Variants in NF1 observed in about 807,000 individuals in gnomAD.
NF1 encodes the protein neurofibromin 1, also known as neurofibromin.
Under a neutral mutation model 325.7 loss-of-function variants are expected in NF1, and 122 were observed. The observed-to-expected ratio is 0.37, with a 90% CI of 0.32 to 0.44. The LOEUF is 0.44. NF1 is among the 20% of genes least tolerant of loss of function. The pLI is 1.00. For synonymous variants in NF1, 1,091 were observed against 1,186.0 expected (o/e 0.92, Z 1.65); for missense variants, 2,140 against 3,415.4 (o/e 0.63, Z 9.31).
intron 51 of NF1, chr17:31,355,985 T>C (rs1390214683): frequency 6.4e-6 from 1 of 156,218 alleles, no homozygotes; most frequent in African/African-American, 2.4e-5. Flanking sequence ...GCATATCTTT[T>C]TTTCAAAGCT....
chr17:31,100,795 C>A (rs1280651381), intron 1 of NF1, among the ~76,000 whole-genome samples: 2 of 152,072 alleles, frequency 1.3e-5, no homozygotes, highest in African/African-American at 2.4e-5. Flanking sequence ...GTCTGAATTT[C>A]TTGATGTCGT....
chr17:31,356,302 A>G (rs1184235689), intron 51 of NF1, 158 bp from the exon 52 acceptor site: 3 of 672,012 alleles, frequency 4.5e-6, no homozygotes, highest in Admixed American at 2.9e-5. Context: ...GAAGATGGAA[A>G]ATAAAGGAAA....
At chr17:31,117,114 T>C (rs1453443039) in intron 1 of NF1, among the ~76,000 whole-genome samples, 2 of 152,002 alleles carry the variant, frequency 1.3e-5, no homozygotes, top group Admixed American at 6.6e-5. Flanking sequence ...TTGGAGTAGC[T>C]GGTACTACAG....
chr17:31,285,498 AT>A (rs1287441509), intron 36 of NF1, among the ~76,000 whole-genome samples: 1 of 152,142 alleles, frequency 6.6e-6, no homozygotes, highest in Non-Finnish European at 1.5e-5. Flanking sequence ...CATACTTGAA[AT>A]TTTTTGATAA....
At position 31,184,661 on chromosome 17, in the gene NF1, A is replaced by T. The variant is rs1469405975; in HGVS notation, c.888+1996A>T. On this transcript the variant is annotated intron_variant, in intron 8 of 57. Transcript: ENST00000358273. ...AGACTCCGTCTCAAAAAAAAAAAATAAAAAAAAAAAATAAAAAAATAAAAT... is the reference window on the plus strand; with the variant it reads ...AGACTCCGTCTCAAAAAAAAAAAATTAAAAAAAAAAATAAAAAAATAAAAT... Among the ~76,000 whole-genome samples, 200 of 140,684 alleles carry T rather than the reference A, an allele frequency of 1.4e-3. 3 individuals are homozygous for T. The highest frequency in any genetic ancestry group is 0.011 in the Middle Eastern group (3 of 274). The allele number at this position is 140,684 out of a possible 152,430, so 92.3% of individuals were successfully genotyped here.
chr17:31,159,915 C>T (rs1175132132), intron 3 of NF1, among the ~76,000 whole-genome samples: 3 of 151,982 alleles, frequency 2.0e-5, no homozygotes, highest in Admixed American at 2.0e-4. Flanking sequence ...ACATATGTTG[C>T]AGTTCTCTAT....
chr17:31,280,516 C>CAAAA (rs57193583), intron 36 of NF1, among the ~76,000 whole-genome samples: 3 of 79,514 alleles, frequency 3.8e-5, no homozygotes, highest in Non-Finnish European at 8.2e-5. Flanking sequence ...GACTCTGTCT[C>CAAAA]AAAAAAAAAA....
chr17:31,282,632 T>C (rs550751107), intron 36 of NF1, among the ~76,000 whole-genome samples: 10 of 152,310 alleles, frequency 6.6e-5, no homozygotes, highest in South Asian at 2.1e-4. Context: ...GTGACTGCCT[T>C]CTTTTACTTT....
chr17:31,179,756 C>T (rs1234778454), intron 5 of NF1, among the ~76,000 whole-genome samples: 2 of 151,504 alleles, frequency 1.3e-5, no homozygotes, highest in African/African-American at 4.9e-5. Flanking sequence ...GCACTCCAAC[C>T]TGGGCGACAG....
At chr17:31,195,258 T>C (rs546875792) in intron 8 of NF1, among the ~76,000 whole-genome samples, 52 of 152,308 alleles carry the variant, frequency 3.4e-4, no homozygotes, top group African/African-American at 1.2e-3. Context: ...GTACTGCTAC[T>C]GGTTTCTTAT....
chr17:31,354,799 G>A lies in NF1; in HGVS notation c.7616-1661G>A, dbSNP rs111568143. ...GGAGGATTGTTTGAGGCTGACCTGG[G>A]CAGCATAGTCAGACCCTGTCTCAAA... is the stretch of plus-strand genomic sequence containing the variant. On this transcript the variant is annotated intron_variant, in intron 51 of 57. Coordinates refer to ENST00000358273, the MANE Select transcript of NF1 (RefSeq NM_001042492.3). 3.6e-3 allele frequency among the ~76,000 whole-genome samples: 555 copies of A among 152,212 alleles called. 3 individuals are homozygous for A. The highest frequency in any genetic ancestry group is 0.012 in the African/African-American group (507 of 41,514).
intron 11 of NF1, 106 bp from the exon 12 acceptor site, chr17:31,206,134 A>G (rs999643004): frequency 1.5e-6 from 2 of 1,316,042 alleles, no homozygotes; most frequent in Admixed American, 1.7e-5. Context: ...ATGGTCTTAG[A>G]AAGTTCCCGA....
intron 1 of NF1, among the ~76,000 whole-genome samples, chr17:31,128,740 G>A (rs1915093794): frequency 6.6e-6 from 1 of 151,972 alleles, no homozygotes; most frequent in South Asian, 2.1e-4. Flanking sequence ...GGCTAACACC[G>A]TGAAACCCTG....
chr17:31,246,963 G>A (rs547747993), intron 29 of NF1, among the ~76,000 whole-genome samples: 51 of 152,246 alleles, frequency 3.3e-4, no homozygotes, highest in African/African-American at 1.1e-3. Context: ...TTGGGAGGCT[G>A]AGGTGGGCAG....
chr17:31,213,196 A>C (rs2143951176), intron 12 of NF1, among the ~76,000 whole-genome samples: 1 of 152,328 alleles, frequency 6.6e-6, no homozygotes, highest in Non-Finnish European at 1.5e-5. Flanking sequence ...AAAGAGAGCA[A>C]ACAGTAAAAC....
At chr17:31,355,260 T>C (rs146344362) in intron 51 of NF1, among the ~76,000 whole-genome samples, 2 of 152,350 alleles carry the variant, frequency 1.3e-5, no homozygotes, top group East Asian at 3.9e-4. Flanking sequence ...CAATCTCATG[T>C]ACTTTGGAAA....
chr17:31,150,381 G>A (rs1018575698), intron 1 of NF1, among the ~76,000 whole-genome samples: 3 of 152,076 alleles, frequency 2.0e-5, no homozygotes, highest in Admixed American at 1.3e-4. Context: ...AACACACCAC[G>A]CACCACCAGT....
chr17:31,095,170 C>T lies in NF1; in HGVS notation c.-140C>T. 2.8e-6 allele frequency: 2 copies of T among 726,928 alleles called. No individual in the cohort carries two copies. The highest frequency in any genetic ancestry group is 4.8e-6 in the Non-Finnish European group (2 of 417,440). The allele number at this position is 726,928 out of a possible 1,614,324, so 45.0% of individuals were successfully genotyped here. Reference sequence around the variant, plus strand: ...CGGCGCTGACCCCCCATCCCCACCCCCGTGGGAACACTGGGAGCCTGCACT... The same window carrying T: ...CGGCGCTGACCCCCCATCCCCACCCTCGTGGGAACACTGGGAGCCTGCACT... On this transcript the variant is annotated 5_prime_UTR_variant, in exon 1 of 58. Transcript: ENST00000358273.
intron 30 of NF1, chr17:31,249,880 A>AT (rs2067464509): frequency 2.2e-6 from 1 of 463,630 alleles, no homozygotes; most frequent in Non-Finnish European, 4.3e-6. Context: ...GTGGGTCTGG[A>AT]ATTTGGGATA....
Sources: allele counts gnomAD v4.1 joint callset (sites outside exome capture counted in the v4.1 genomes callset), GRCh38; gene constraint gnomAD v4.1.1; transcripts MANE v1.5; gene names NCBI Gene and HGNC (gene_info 2026-07-23, HGNC 2026-07-21).